The following ALPK2 variants were observed in gnomAD, a reference collection of about 807,000 sequenced individuals.
ALPK2 encodes alpha-protein kinase 2.
Under a neutral mutation model 163.1 loss-of-function variants are expected in ALPK2, and 127 were observed. The observed-to-expected ratio is 0.78, with a 90% CI of 0.67 to 0.90. The LOEUF is 0.90. ALPK2 is among the 40% of genes least tolerant of loss of function. ALPK2 has a pLI of 0.00. For synonymous variants in ALPK2, 953 were observed against 959.1 expected (o/e 0.99, Z 0.12); for missense variants, 2,360 against 2,589.6 (o/e 0.91, Z 1.92).
intron 1 of ALPK2, among the ~76,000 whole-genome samples, chr18:58,615,152 A>C (rs535167619): frequency 2.6e-5 from 4 of 152,182 alleles, no homozygotes; most frequent in African/African-American, 7.2e-5. Flanking sequence ...CTTTCACTTA[A>C]CACAATGTTT....
At chr18:58,612,702 C>T (rs552210452) in intron 1 of ALPK2, among the ~76,000 whole-genome samples, 2 of 152,302 alleles carry the variant, frequency 1.3e-5, no homozygotes, top group African/African-American at 4.8e-5. Context: ...GCCCTGAGGG[C>T]GCAGGTTGGT....
chr18:58,624,581 A>G (rs897773340), intron 1 of ALPK2, among the ~76,000 whole-genome samples: 1 of 151,976 alleles, frequency 6.6e-6, no homozygotes, highest in African/African-American at 2.4e-5. Context: ...CAGCCTCTCA[A>G]GTGGCTGGGA....
Position 58,556,737 on chromosome 18 carries a change from A to C in ALPK2, c.1963-18513T>G, listed in dbSNP as rs75231266. On this transcript the variant is annotated intron_variant, in intron 4 of 12. Coordinates refer to ENST00000361673, the MANE Select transcript of ALPK2 (RefSeq NM_052947.4). ...ATCTTGACAAACTCCCCAGAAGAGA[A>C]GCACTGTCCTGTATGAACCTAGAGC... is the stretch of plus-strand genomic sequence containing the variant. 8.1e-3 allele frequency among the ~76,000 whole-genome samples: 1,228 copies of C among 152,300 alleles called. 12 individuals carry two copies. Among genetic ancestry groups the C allele is most frequent in the African/African-American group, 0.028 (1,184 of 41,554 alleles).
At chr18:58,498,468 C>T (rs1024029729) in intron 11 of ALPK2, among the ~76,000 whole-genome samples, 1 of 152,226 alleles carries the variant, frequency 6.6e-6, no homozygotes, top group South Asian at 2.1e-4. Context: ...TGGCTTAGGT[C>T]TGGCTCCCCG....
At position 58,516,936 on chromosome 18, in the gene ALPK2, A is replaced by C; in HGVS notation, c.5912T>G (p.Ile1971Ser). 6.2e-7 allele frequency: 1 copy of C among 1,613,972 alleles called. No homozygotes were observed. The highest frequency in any genetic ancestry group is 8.5e-7 in the Non-Finnish European group (1 of 1,179,902). Residue 1971 changes from isoleucine (I) to serine (S), a missense_variant, in exon 9 of 13, where the codon ATC becomes AGC. Coordinates refer to ENST00000361673, the MANE Select transcript of ALPK2 (RefSeq NM_052947.4). ...AYGTRNNDELIQRNYKLAAQE... is the reference protein window; with the variant it reads ...AYGTRNNDELSQRNYKLAAQE... The stretch of plus-strand genomic sequence containing the variant: ...GGCAGCGAGTTTGTAGTTCCTTTGG[A>C]TGAGCTCATCATTATTTCTGGTCCC...
intron 1 of ALPK2, among the ~76,000 whole-genome samples, chr18:58,620,828 C>T (rs1352712800): frequency 6.6e-6 from 1 of 152,130 alleles, no homozygotes; most frequent in Non-Finnish European, 1.5e-5. Flanking sequence ...AGAATGGAAT[C>T]TTTTTTTCTT....
intron 3 of ALPK2, among the ~76,000 whole-genome samples, chr18:58,597,770 C>G (rs1166606912): frequency 1.3e-5 from 2 of 152,202 alleles, no homozygotes; most frequent in Admixed American, 1.3e-4. Flanking sequence ...TGTTGAAGCC[C>G]TAACCCACAA....
intron 8 of ALPK2, among the ~76,000 whole-genome samples, chr18:58,517,428 G>A (rs1187262260): frequency 6.6e-6 from 1 of 152,182 alleles, no homozygotes; most frequent in Non-Finnish European, 1.5e-5. Context: ...AGCAAAACTG[G>A]AAAGATCAGG....
chr18:58,489,949 C>T (rs77428361), intron 12 of ALPK2, among the ~76,000 whole-genome samples: 16,033 of 151,428 alleles, frequency 0.11, 1,061 homozygotes, highest in East Asian at 0.32. Flanking sequence ...GGTGTGGTAC[C>T]GTGTGCCTGT....
At position 58,535,970 on chromosome 18, in the gene ALPK2, A is replaced by T. The variant is rs1433911615; in HGVS notation, c.4217T>A (p.Ile1406Asn). The change falls in exon 5 of 13, where the codon ATT becomes AAT. Residue 1406 changes from isoleucine to asparagine, a missense_variant. Transcript: ENST00000361673. ...GTACTCTATCACACTTATCTCATCA[A>T]TGGGATCTACAGAGGACTCTAGGAT... ...PKILESSVDPIDEISVIEYTR... is the reference protein window; with the variant it reads ...PKILESSVDPNDEISVIEYTR... The T allele has an allele frequency of 1.2e-6, 2 of 1,614,160 alleles. No homozygotes were observed. The highest frequency in any genetic ancestry group is 1.7e-5 in the Admixed American group (1 of 60,026).
chr18:58,545,815 T>C (rs1368514383), intron 4 of ALPK2, among the ~76,000 whole-genome samples: 1 of 152,160 alleles, frequency 6.6e-6, no homozygotes. Context: ...TCCCTTGTGG[T>C]TCCAGGAAAC....
chr18:58,578,734 A>ACACACACACGCGCGTGCGCG, intron 4 of ALPK2, 80 bp downstream of exon 4: 1 of 396,572 alleles, frequency 2.5e-6, no homozygotes, highest in Non-Finnish European at 4.1e-6. Context: ...AAAGGAAGAG[A>ACACACACACGCGCGTGCGCG]CACACACACA....
At chr18:58,592,764 G>A (rs1315310163) in intron 3 of ALPK2, among the ~76,000 whole-genome samples, 1 of 152,228 alleles carries the variant, frequency 6.6e-6, no homozygotes, top group Non-Finnish European at 1.5e-5. Context: ...GTGGTTAAGG[G>A]ACAGACTTAG....
At chr18:58,483,641 G>T (rs1258349749) in intron 12 of ALPK2, among the ~76,000 whole-genome samples, 1 of 151,566 alleles carries the variant, frequency 6.6e-6, no homozygotes, top group Non-Finnish European at 1.5e-5. Context: ...ACCTCCGCTT[G>T]CTGGGTTCAA....
chr18:58,545,259 A>G (rs1372780727), intron 4 of ALPK2: 1 of 150,458 alleles, frequency 6.6e-6, no homozygotes, highest in Non-Finnish European at 1.5e-5. Context: ...ACACACTATT[A>G]GCTAGCTGAC....
At chr18:58,590,398 G>C (rs2052008960) in intron 3 of ALPK2, among the ~76,000 whole-genome samples, 1 of 152,098 alleles carries the variant, frequency 6.6e-6, no homozygotes, top group African/African-American at 2.4e-5. Context: ...GAATGCAGGG[G>C]GAGGGAGGCC....
chr18:58,558,783 C>A (rs955444711), intron 4 of ALPK2, among the ~76,000 whole-genome samples: 2 of 152,106 alleles, frequency 1.3e-5, no homozygotes, highest in African/African-American at 4.8e-5. Context: ...ACATGGGTGA[C>A]CCTTGGAAAC....
chr18:58,512,865 TGTA>T (rs2051499314), intron 10 of ALPK2, among the ~76,000 whole-genome samples: 2 of 126,168 alleles, frequency 1.6e-5, no homozygotes, highest in African/African-American at 6.2e-5. Flanking sequence ...TGTGGTGTGT[TGTA>T]TGTGTGGTGT....
intron 3 of ALPK2, among the ~76,000 whole-genome samples, chr18:58,586,372 T>A (rs1172561646): frequency 2.0e-5 from 3 of 152,208 alleles, no homozygotes; most frequent in Non-Finnish European, 2.9e-5. Flanking sequence ...ACAAGAACAC[T>A]GGCAAAACTT....
Sources: gnomAD v4.1 joint callset for allele counts (sites outside exome capture counted in the v4.1 genomes callset) on GRCh38, gnomAD v4.1.1 for gene constraint, MANE v1.5 for transcripts, NCBI Gene and HGNC (gene_info 2026-07-23, HGNC 2026-07-21) for gene names.